SNX30: variants seen among roughly 807,000 people sequenced by gnomAD.
SNX30 encodes the protein sorting nexin family member 30, also known as sorting nexin-30.
A neutral mutation model predicts 46.4 loss-of-function variants in SNX30; 24 were observed. The ratio of observed to expected loss-of-function variants is 0.52; its 90% CI spans 0.37 to 0.73. The LOEUF (loss-of-function observed/expected upper bound fraction) is 0.73. Among genes scored for constraint, SNX30 ranks in the 30% least tolerant of loss-of-function variants. The pLI is 0.00. For synonymous variants in SNX30, 189 were observed against 211.5 expected (o/e 0.89, Z 0.92); for missense variants, 533 against 555.7 (o/e 0.96, Z 0.41).
At chr9:112,832,598 G>A (rs1015238619) in intron 4 of SNX30, among the ~76,000 whole-genome samples, 1 of 142,690 alleles carries the variant, frequency 7.0e-6, no homozygotes, top group Non-Finnish European at 1.5e-5. Flanking sequence ...GACACAGGAA[G>A]GGGAACATCA....
chr9:112,821,970 G>A (rs1391435614), intron 3 of SNX30, among the ~76,000 whole-genome samples: 1 of 151,970 alleles, frequency 6.6e-6, no homozygotes, highest in East Asian at 1.9e-4. Context: ...GTAGAGACAA[G>A]GTGTCACTGT....
chr9:112,832,203 T>A (rs1840670287), intron 4 of SNX30, among the ~76,000 whole-genome samples: 1 of 152,066 alleles, frequency 6.6e-6, no homozygotes, highest in Non-Finnish European at 1.5e-5. Flanking sequence ...CAGGTACACT[T>A]TTTAAAACTA....
intron 2 of SNX30, among the ~76,000 whole-genome samples, chr9:112,805,281 A>T (rs191546112): frequency 6.6e-6 from 1 of 152,036 alleles, no homozygotes; most frequent in South Asian, 2.1e-4. Context: ...TCTGAAATTT[A>T]TGAATCATTG....
chr9:112,829,302 C>G (rs1840626312), intron 3 of SNX30, among the ~76,000 whole-genome samples: 1 of 152,164 alleles, frequency 6.6e-6, no homozygotes, highest in African/African-American at 2.4e-5. Flanking sequence ...TGAAGTCTCA[C>G]TCTGTAACCC....
chr9:112,838,657 C>A lies in SNX30; in HGVS notation c.974C>A (p.Pro325His), dbSNP rs760363536. ...GATGACATGACAGAAGACTTCCTAC[C>A]TGTGCTCAGGGAATATATTTTATAC... is the stretch of plus-strand genomic sequence containing the variant. ...LTDDMTEDFL[P>H]VLREYILYSD... Residue 325 changes from proline (P) to histidine (H), a missense_variant, in exon 6 of 9, where the codon CCT (proline) becomes CAT (histidine). Pro to His is a moderately conservative substitution (Grantham distance 77). Transcript: ENST00000374232. 4.3e-6 allele frequency: 7 copies of A among 1,614,136 alleles called. No homozygotes were observed. The South Asian group carries it at 7.7e-5, about 18-fold the overall frequency.
chr9:112,861,922 G>T (rs1841242756), intron 7 of SNX30, among the ~76,000 whole-genome samples: 1 of 142,120 alleles, frequency 7.0e-6, no homozygotes, highest in Admixed American at 7.3e-5. Context: ...GGGCTGCAGG[G>T]GAAGCGACAA....
At chr9:112,876,931 C>A (rs1372176288), downstream of SNX30, among the ~76,000 whole-genome samples, 365 of 135,246 alleles carry the variant, frequency 2.7e-3, no homozygotes, top group South Asian at 3.2e-3. Context: ...GTAAGACTGT[C>A]AAAAAAAAAA....
chr9:112,804,631 A>G (rs1840195426), intron 1 of SNX30, 145 bp from the exon 2 acceptor site: 2 of 624,698 alleles, frequency 3.2e-6, no homozygotes, highest in Non-Finnish European at 5.4e-6. Flanking sequence ...TCACTCAAGA[A>G]ACACTGAGTA....
intron 1 of SNX30, among the ~76,000 whole-genome samples, chr9:112,766,472 C>T (rs1171010211): frequency 2.0e-5 from 3 of 152,022 alleles, no homozygotes; most frequent in African/African-American, 7.2e-5. Context: ...GCGTTAAGTA[C>T]CCTGGCTTGT....
chr9:112,821,772 C>T (rs1253357725), intron 3 of SNX30, among the ~76,000 whole-genome samples: 2 of 151,478 alleles, frequency 1.3e-5, no homozygotes. Context: ...AGGCTTGAGC[C>T]ACTGCGCCCA....
chr9:112,787,922 G>A (rs1021820266), intron 1 of SNX30, among the ~76,000 whole-genome samples: 2 of 151,462 alleles, frequency 1.3e-5, no homozygotes, highest in African/African-American at 4.9e-5. Context: ...TCAGCCTCCC[G>A]AGTAGCTGGG....
intron 1 of SNX30, among the ~76,000 whole-genome samples, chr9:112,754,522 C>G (rs1839320543): frequency 6.6e-6 from 1 of 150,490 alleles, no homozygotes; most frequent in Admixed American, 6.7e-5. Context: ...TCTCCTGCCT[C>G]AGCCTCCTGA....
At position 112,850,934 on chromosome 9, in the gene SNX30, G is replaced by A. The variant is rs1841014390; in HGVS notation, c.1090G>A (p.Asp364Asn). Residue 364 changes from aspartate (D) to asparagine (N), a missense_variant, in exon 7 of 9, where the codon GAC becomes AAC. This residue lies in a region of SNX30 where 261 missense variants were observed against 270.9 expected (regional missense o/e 0.96). Transcript: ENST00000374232. ...KLEAVALRKE[D>N]RPKVPADVEK... The stretch of plus-strand genomic sequence containing the variant: ...GGAAGCTGTGGCTCTGCGGAAGGAA[G>A]ACCGCCCCAAGGTCAGGGAAGCCAC... 24 of 1,614,040 alleles carry A rather than the reference G, an allele frequency of 1.5e-5. No homozygotes were observed. Among genetic ancestry groups the A allele is most frequent in the Non-Finnish European group, 2.0e-5 (24 of 1,179,990 alleles).
chr9:112,753,272 C>G (rs1481765638), intron 1 of SNX30, among the ~76,000 whole-genome samples: 3 of 152,162 alleles, frequency 2.0e-5, no homozygotes, highest in African/African-American at 7.2e-5. Flanking sequence ...CCCGTACCAC[C>G]AAGATCTGGT....
At chr9:112,818,729 A>G (rs1234101800) in intron 3 of SNX30, among the ~76,000 whole-genome samples, 1 of 152,206 alleles carries the variant, frequency 6.6e-6, no homozygotes, top group Admixed American at 6.5e-5. Context: ...TTCTGTTACT[A>G]CCGCATCTCC....
intron 6 of SNX30, among the ~76,000 whole-genome samples, chr9:112,841,369 A>G (rs547815945): frequency 1.2e-4 from 18 of 152,378 alleles, no homozygotes; most frequent in African/African-American, 4.3e-4. Context: ...TAGACATCAA[A>G]GAAACATTTG....
At chr9:112,844,027 A>G (rs1840900679) in intron 6 of SNX30, among the ~76,000 whole-genome samples, 1 of 152,144 alleles carries the variant, frequency 6.6e-6, no homozygotes, top group African/African-American at 2.4e-5. Context: ...TATGGAGACT[A>G]GATTGTAGAG....
downstream of SNX30, among the ~76,000 whole-genome samples, chr9:112,883,552 C>T (rs922861204): frequency 1.3e-5 from 2 of 151,688 alleles, no homozygotes; most frequent in African/African-American, 4.8e-5. Context: ...TAGTGCCTGG[C>T]ACATAGGGCT....
At position 112,874,411 on chromosome 9, in the gene SNX30, C is replaced by CAGA. The variant is rs1390022270; in HGVS notation, c.*5568_*5569insAGA. 3 of 152,206 alleles carry CAGA rather than the reference C, an allele frequency of 2.0e-5. No individual in the cohort carries two copies. Among genetic ancestry groups the CAGA allele is most frequent in the African/African-American group, 7.2e-5 (3 of 41,450 alleles). 9.4% of individuals were successfully genotyped at this position (152,206 alleles called of 1,614,324 possible). A position where few individuals can be genotyped will look rare whatever the true frequency, so the allele number is the denominator to read the frequency against. On this transcript the variant is annotated 3_prime_UTR_variant, in exon 9 of 9. Coordinates refer to ENST00000374232, the MANE Select transcript of SNX30 (RefSeq NM_001012994.2). ...TCCTGTGAAATAAACTGCCAGCAAA[C>CAGA]TTTCTAACTTGTATTTTAACTGTTA...
Sources: gnomAD v4.1 joint callset for allele counts (sites outside exome capture counted in the v4.1 genomes callset) on GRCh38, gnomAD v4.1.1 for gene constraint, gnomAD v4.1.1 regional missense constraint, MANE v1.5 for transcripts, NCBI Gene and HGNC (gene_info 2026-07-23, HGNC 2026-07-21) for gene names.